Variants in ASAP1 observed in about 807,000 individuals in gnomAD.
ASAP1 encodes ArfGAP with SH3 domain, ankyrin repeat and PH domain 1.
A neutral mutation model predicts 145.2 loss-of-function variants in ASAP1; 43 were observed. That is an observed-to-expected ratio of 0.30 (90% CI 0.23 to 0.38). The LOEUF (loss-of-function observed/expected upper bound fraction) is 0.38, where lower values mean the gene tolerates loss of function less well. ASAP1 is among the 10% of genes least tolerant of loss of function. The pLI is 1.00. For missense variants in ASAP1, 1,018 were observed against 1,355.3 expected (o/e 0.75, Z 3.91); for synonymous variants, 546 against 515.5 (o/e 1.06, Z -0.80).
intron 3 of ASAP1, among the ~76,000 whole-genome samples, chr8:130,268,155 A>G (rs1384600276): frequency 1.3e-5 from 2 of 152,128 alleles, no homozygotes; most frequent in African/African-American, 4.8e-5. Context: ...ATTAAGGAAC[A>G]TCTCTATATG....
chr8:130,233,182 G>T (rs964654559), intron 4 of ASAP1, among the ~76,000 whole-genome samples: 5 of 152,154 alleles, frequency 3.3e-5, no homozygotes, highest in Admixed American at 3.3e-4. Flanking sequence ...ACTATTGGTG[G>T]TCTCATCTGG....
intron 1 of ASAP1, among the ~76,000 whole-genome samples, chr8:130,406,048 T>G (rs1829012689): frequency 6.6e-6 from 1 of 152,256 alleles, no homozygotes; most frequent in East Asian, 1.9e-4. Context: ...GTTCCTATAC[T>G]AAGGCGATTT....
At chr8:130,220,812 C>A (rs1347347263) in intron 4 of ASAP1, among the ~76,000 whole-genome samples, 2 of 152,136 alleles carry the variant, frequency 1.3e-5, no homozygotes, top group Non-Finnish European at 2.9e-5. Flanking sequence ...GGGAAGCAAA[C>A]ACATCCTTCT....
intron 27 of ASAP1, among the ~76,000 whole-genome samples, chr8:130,064,723 C>A (rs916338084): frequency 1.3e-5 from 2 of 152,138 alleles, no homozygotes; most frequent in Non-Finnish European, 2.9e-5. Context: ...GAGGCTCAGT[C>A]CCCCAGAATG....
At chr8:130,284,381 C>A (rs544839027) in intron 3 of ASAP1, among the ~76,000 whole-genome samples, 10 of 152,102 alleles carry the variant, frequency 6.6e-5, no homozygotes, top group African/African-American at 2.4e-4. Flanking sequence ...AATTTAGCCA[C>A]AAAGTATGAG....
chr8:130,148,552 G>A (rs1318319959), intron 13 of ASAP1, among the ~76,000 whole-genome samples: 1 of 152,184 alleles, frequency 6.6e-6, no homozygotes, highest in Admixed American at 6.5e-5. Flanking sequence ...ATAAATGGCA[G>A]TTCTCTTTCT....
chr8:130,068,771 A>G (rs982481825), intron 27 of ASAP1, among the ~76,000 whole-genome samples: 3 of 152,220 alleles, frequency 2.0e-5, no homozygotes, highest in Non-Finnish European at 2.9e-5. Flanking sequence ...CCCCAGATGC[A>G]GTAGCTGATA....
chr8:130,228,103 GA>G (rs1004914776), intron 4 of ASAP1, among the ~76,000 whole-genome samples: 11 of 151,746 alleles, frequency 7.2e-5, no homozygotes, highest in African/African-American at 2.7e-4. Context: ...AAACAGACAA[GA>G]AAAAAAATCA....
intron 1 of ASAP1, among the ~76,000 whole-genome samples, chr8:130,416,215 G>A (rs1829469413): frequency 6.6e-6 from 1 of 152,084 alleles, no homozygotes; most frequent in African/African-American, 2.4e-5. Flanking sequence ...CTGATTTCAG[G>A]GTGCCCATTA....
At chr8:130,317,649 T>C (rs746759962) in intron 3 of ASAP1, among the ~76,000 whole-genome samples, 6 of 152,230 alleles carry the variant, frequency 3.9e-5, no homozygotes, top group Non-Finnish European at 4.4e-5. Context: ...CACAGTTTAG[T>C]GCACTTAACC....
intron 1 of ASAP1, among the ~76,000 whole-genome samples, chr8:130,435,227 A>G (rs1220871137): frequency 6.6e-6 from 1 of 152,252 alleles, no homozygotes; most frequent in Non-Finnish European, 1.5e-5. Context: ...ATAACTAGTC[A>G]GTATCCATTC....
At chr8:130,157,908 T>C (rs2097661147) in intron 12 of ASAP1, among the ~76,000 whole-genome samples, 1 of 152,136 alleles carries the variant, frequency 6.6e-6, no homozygotes, top group Admixed American at 6.5e-5. Context: ...TACCATATAT[T>C]GAGTATTTTT....
chr8:130,309,014 C>A (rs1007854497), intron 3 of ASAP1, among the ~76,000 whole-genome samples: 1 of 152,202 alleles, frequency 6.6e-6, no homozygotes, highest in Non-Finnish European at 1.5e-5. Flanking sequence ...ATGCTCCACA[C>A]CACAAATGAC....
At chr8:130,433,946 T>C (rs954494696) in intron 1 of ASAP1, among the ~76,000 whole-genome samples, 3 of 152,202 alleles carry the variant, frequency 2.0e-5, no homozygotes, top group Non-Finnish European at 2.9e-5. Flanking sequence ...GAATTAAAAT[T>C]CAAGTCTGTA....
intron 15 of ASAP1, among the ~76,000 whole-genome samples, chr8:130,133,684 CAAACA>C (rs982295383): frequency 1.2e-4 from 17 of 147,714 alleles, no homozygotes; most frequent in Admixed American, 2.0e-4. Context: ...AACAAACAAA[CAAACA>C]AAAAAAAAAA....
intron 26 of ASAP1, among the ~76,000 whole-genome samples, chr8:130,078,236 T>A (rs1221740651): frequency 6.6e-6 from 1 of 152,152 alleles, no homozygotes; most frequent in Non-Finnish European, 1.5e-5. Context: ...GTGATCCACC[T>A]GCCTTGGCCT....
intron 1 of ASAP1, among the ~76,000 whole-genome samples, chr8:130,415,701 T>C (rs1271125501): frequency 6.6e-6 from 1 of 151,628 alleles, no homozygotes; most frequent in East Asian, 1.9e-4. Context: ...GGCAGGAGAA[T>C]TGCTTGAACC....
intron 3 of ASAP1, among the ~76,000 whole-genome samples, chr8:130,262,457 A>AGAGAGAG (rs796416744): frequency 2.3e-5 from 3 of 127,802 alleles, no homozygotes; most frequent in Non-Finnish European, 3.3e-5. Context: ...AGAGAGAGAG[A>AGAGAGAG]ACCTGTGGAA....
chr8:130,426,871 C>T (rs1829938633), intron 1 of ASAP1, among the ~76,000 whole-genome samples: 1 of 152,212 alleles, frequency 6.6e-6, no homozygotes, highest in Admixed American at 6.5e-5. Flanking sequence ...CCATCCGTTT[C>T]ATGTTTGTTT....
Sources: allele counts gnomAD v4.1 joint callset (sites outside exome capture counted in the v4.1 genomes callset), GRCh38; gene constraint gnomAD v4.1.1; transcripts MANE v1.5; gene names NCBI Gene and HGNC (gene_info 2026-07-23, HGNC 2026-07-21).